NKAIN3: variants seen among roughly 807,000 people sequenced by gnomAD.
The protein encoded by NKAIN3 is sodium/potassium-transporting ATPase subunit beta-1-interacting protein 3.
NKAIN3 carries 25 observed loss-of-function variants against 30.2 expected under a neutral mutation model. That is an observed-to-expected ratio of 0.83 (90% CI 0.60 to 1.16). The LOEUF (loss-of-function observed/expected upper bound fraction) is 1.16. Ranked by LOEUF, NKAIN3 falls within the 50% of genes most tolerant of loss-of-function variation. The probability of loss-of-function intolerance (pLI) is 0.00; values close to 1 mark genes in which losing one functional copy is unlikely to be tolerated. For missense variants in NKAIN3, 225 were observed against 254.1 expected, an observed-to-expected ratio of 0.89 and a Z score of 0.78; for synonymous variants, 91 against 89.6, an observed-to-expected ratio of 1.02 and a Z score of -0.09.
chr8:62,543,629 A>G (rs1808912698), intron 1 of NKAIN3, among the ~76,000 whole-genome samples: 1 of 152,182 alleles, frequency 6.6e-6, no homozygotes, highest in Non-Finnish European at 1.5e-5. Context: ...CCGTACTCTT[A>G]GCACCCAGAG....
intron 5 of NKAIN3, among the ~76,000 whole-genome samples, chr8:62,927,181 C>A (rs892433601): frequency 6.6e-6 from 1 of 151,872 alleles, no homozygotes; most frequent in Admixed American, 6.6e-5. Flanking sequence ...CCTTCCTCAC[C>A]CCCCTCCCAC....
At chr8:62,835,881 C>T (rs1819345544) in intron 4 of NKAIN3, among the ~76,000 whole-genome samples, 1 of 152,040 alleles carries the variant, frequency 6.6e-6, no homozygotes, top group South Asian at 2.1e-4. Context: ...AAAACACATG[C>T]ACTGGTATGT....
At chr8:62,515,036 C>A (rs1036641380) in intron 1 of NKAIN3, among the ~76,000 whole-genome samples, 33 of 152,242 alleles carry the variant, frequency 2.2e-4, no homozygotes, top group African/African-American at 7.9e-4. Context: ...GACCACCACT[C>A]CCTTGTCCCT....
At chr8:62,289,429 AG>A (rs1721967023) in intron 1 of NKAIN3, among the ~76,000 whole-genome samples, 1 of 152,218 alleles carries the variant, frequency 6.6e-6, no homozygotes, top group Admixed American at 6.5e-5. Flanking sequence ...ATAAGATATA[AG>A]GAAGGGATCC....
intron 4 of NKAIN3, among the ~76,000 whole-genome samples, chr8:62,844,387 C>T (rs1037397092): frequency 6.6e-6 from 1 of 152,094 alleles, no homozygotes; most frequent in African/African-American, 2.4e-5. Flanking sequence ...CCAAAAAGGA[C>T]AATTTATTTC....
At chr8:62,343,747 G>C (rs1815831534) in intron 1 of NKAIN3, among the ~76,000 whole-genome samples, 2 of 151,912 alleles carry the variant, frequency 1.3e-5, no homozygotes, top group Non-Finnish European at 2.9e-5. Flanking sequence ...GGAGTTTGAG[G>C]CTACAGTAAG....
Position 62,856,739 on chromosome 8 carries a change from C to T in NKAIN3, c.472-61714C>T, listed in dbSNP as rs1273307701. On this transcript the variant is annotated intron_variant, in intron 4 of 6. Coordinates refer to ENST00000623646, the MANE Select transcript of NKAIN3 (RefSeq NM_001304533.3). ...CCTGCTGCCCCTTAAACTGGTCAAG[C>T]TCTAGAATTTATTTTGCACCTGGCT... is the stretch of plus-strand genomic sequence containing the variant. 4.4e-6 allele frequency: 3 copies of T among 688,348 alleles called. No homozygotes were observed. The South Asian group carries it at 5.0e-5, about 11-fold the overall frequency. The allele number at this position is 688,348 out of a possible 1,614,324, so 42.6% of individuals were successfully genotyped here.
chr8:62,440,862 G>A (rs952716842), intron 1 of NKAIN3, among the ~76,000 whole-genome samples: 2 of 152,152 alleles, frequency 1.3e-5, no homozygotes, highest in Non-Finnish European at 2.9e-5. Context: ...AGTGCAGGGT[G>A]ATGAATGTCT....
chr8:62,815,489 G>C (rs1818645716), intron 4 of NKAIN3, among the ~76,000 whole-genome samples: 1 of 152,124 alleles, frequency 6.6e-6, no homozygotes, highest in South Asian at 2.1e-4. Flanking sequence ...CTGGCAAACT[G>C]AATCCAGCAG....
At chr8:62,590,270 A>C (rs1810612767) in intron 3 of NKAIN3, among the ~76,000 whole-genome samples, 1 of 151,832 alleles carries the variant, frequency 6.6e-6, no homozygotes, top group Non-Finnish European at 1.5e-5. Context: ...TCTTATATTA[A>C]ATGTTTACTA....
intron 4 of NKAIN3, chr8:62,856,539 T>C (rs2130781978): frequency 1.3e-6 from 1 of 781,186 alleles, no homozygotes; most frequent in Non-Finnish European, 2.4e-6. Context: ...TGGTCCTGGC[T>C]CAGCTGGCTT....
chr8:62,464,764 GTAGAATCTTTC>G (rs1806105682), intron 1 of NKAIN3, among the ~76,000 whole-genome samples: 1 of 152,158 alleles, frequency 6.6e-6, no homozygotes, highest in Admixed American at 6.5e-5. Context: ...AGTGTTAAAA[GTAGAATCTTTC>G]TTGATACTAT....
chr8:62,333,409 A>G (rs1271032196), intron 1 of NKAIN3, among the ~76,000 whole-genome samples: 1 of 152,108 alleles, frequency 6.6e-6, no homozygotes, highest in Non-Finnish European at 1.5e-5. Flanking sequence ...GAAATATGAC[A>G]TGCATTTTTA....
At chr8:62,715,478 G>C (rs1295423056) in intron 3 of NKAIN3, among the ~76,000 whole-genome samples, 1 of 152,130 alleles carries the variant, frequency 6.6e-6, no homozygotes, top group African/African-American at 2.4e-5. Flanking sequence ...TTCAGTGTTG[G>C]TGCAAGACTG....
chr8:62,531,716 A>G (rs1171535097), intron 1 of NKAIN3, among the ~76,000 whole-genome samples: 12 of 152,204 alleles, frequency 7.9e-5, no homozygotes, highest in Admixed American at 7.9e-4. Flanking sequence ...CCATAGTGTC[A>G]TTTAAGATGA....
In NKAIN3 at chr8:62,902,003, G is replaced by A. The variant is rs117864634; in HGVS notation, c.472-16450G>A. ...GTGAGAAGCAGACAGGCAGGGGGTG[G>A]ACATGTCAGTCTGTATGCCCAGAGG... On this transcript the variant is annotated intron_variant, in intron 4 of 6. Coordinates refer to ENST00000623646, the MANE Select transcript of NKAIN3 (RefSeq NM_001304533.3). Among the ~76,000 whole-genome samples the A allele has an allele frequency of 1.8e-3, 281 of 152,304 alleles. 8 individuals carry two copies. In the East Asian group the frequency reaches 0.05, roughly 27 times the overall value.
chr8:62,490,806 G>A (rs192863876), intron 1 of NKAIN3, among the ~76,000 whole-genome samples: 150 of 150,718 alleles, frequency 1.0e-3, no homozygotes, highest in African/African-American at 3.3e-3. Flanking sequence ...TAAAACAGAC[G>A]TAGAATCATT....
At chr8:62,669,528 G>A (rs1029538393) in intron 3 of NKAIN3, among the ~76,000 whole-genome samples, 4 of 152,058 alleles carry the variant, frequency 2.6e-5, no homozygotes, top group Admixed American at 2.0e-4. Flanking sequence ...TAGGGGAAAG[G>A]TATTTTATCA....
At chr8:62,726,964 G>A (rs1339675130) in intron 3 of NKAIN3, among the ~76,000 whole-genome samples, 1 of 152,004 alleles carries the variant, frequency 6.6e-6, no homozygotes, top group Non-Finnish European at 1.5e-5. Flanking sequence ...CAAAATATTA[G>A]CAAATTGGAT....
Sources: gnomAD v4.1 joint callset for allele counts (sites outside exome capture counted in the v4.1 genomes callset) on GRCh38, gnomAD v4.1.1 for gene constraint, MANE v1.5 for transcripts, NCBI Gene and HGNC (gene_info 2026-07-23, HGNC 2026-07-21) for gene names.